PIP4K2A: variants seen among roughly 807,000 people sequenced by gnomAD.
PIP4K2A encodes phosphatidylinositol 5-phosphate 4-kinase type-2 alpha.
A neutral mutation model predicts 42.9 loss-of-function variants in PIP4K2A; 14 were observed. That is an observed-to-expected ratio of 0.33 (90% CI 0.22 to 0.51). The LOEUF is 0.51. Ranked by LOEUF, PIP4K2A falls within the 20% of genes least tolerant of loss-of-function variation. PIP4K2A has a pLI of 0.97. For synonymous variants in PIP4K2A, 192 were observed against 192.2 expected, an observed-to-expected ratio of 1.00 and a Z score of 0.01; for missense variants, 434 against 519.8, an observed-to-expected ratio of 0.83 and a Z score of 1.61.
chr10:22,696,675 T>G (rs1839979381), intron 1 of PIP4K2A, among the ~76,000 whole-genome samples: 1 of 152,232 alleles, frequency 6.6e-6, no homozygotes, highest in African/African-American at 2.4e-5. Flanking sequence ...ACATATAGTT[T>G]ATTCATACTG....
intron 1 of PIP4K2A, among the ~76,000 whole-genome samples, chr10:22,668,192 C>T (rs779519348): frequency 6.6e-6 from 1 of 152,118 alleles, no homozygotes; most frequent in African/African-American, 2.4e-5. Flanking sequence ...CCTCGTGATC[C>T]GCCTGCCTTG....
intron 1 of PIP4K2A, among the ~76,000 whole-genome samples, chr10:22,655,910 G>A (rs560369467): frequency 2.6e-5 from 4 of 152,222 alleles, no homozygotes; most frequent in East Asian, 1.9e-4. Flanking sequence ...GTGTTGCATC[G>A]TTCCACTGGA....
intron 6 of PIP4K2A, among the ~76,000 whole-genome samples, chr10:22,565,470 C>G (rs571627194): frequency 5.3e-5 from 8 of 152,198 alleles, no homozygotes; most frequent in Non-Finnish European, 1.0e-4. Flanking sequence ...ACACTTATCA[C>G]TTCCCCAATC....
Position 22,540,849 on chromosome 10 carries a change from C to G in PIP4K2A, c.1037-775G>C, listed in dbSNP as rs1227288121. Among the ~76,000 whole-genome samples, 3 of 152,204 alleles carry G rather than the reference C, an allele frequency of 2.0e-5. No individual in the cohort carries two copies. The South Asian group carries it at 6.2e-4, about 32-fold the overall frequency. The stretch of plus-strand genomic sequence containing the variant: ...GGATTACAGGCATGAACCACTGCGC[C>G]CGGCCCGTGTCTGTTTTCTATCCAT... On this transcript the variant is annotated intron_variant, in intron 8 of 9. Transcript: ENST00000376573.
At chr10:22,577,403 T>A (rs1313677011) in intron 4 of PIP4K2A, among the ~76,000 whole-genome samples, 1 of 152,152 alleles carries the variant, frequency 6.6e-6, no homozygotes, top group Non-Finnish European at 1.5e-5. Flanking sequence ...CCCTCATAAA[T>A]GGCTTGGTGC....
intron 1 of PIP4K2A, among the ~76,000 whole-genome samples, chr10:22,674,936 T>A (rs940294961): frequency 2.0e-5 from 3 of 151,910 alleles, no homozygotes; most frequent in African/African-American, 7.3e-5. Context: ...GTACTCCAGC[T>A]TGGGCAACAA....
chr10:22,617,381 A>G (rs527614234), intron 1 of PIP4K2A, among the ~76,000 whole-genome samples: 1 of 152,386 alleles, frequency 6.6e-6, no homozygotes, highest in South Asian at 2.1e-4. Flanking sequence ...ACAGTGTGAC[A>G]TTTAAAAAAT....
At chr10:22,538,910 A>G (rs1836010944) in intron 9 of PIP4K2A, among the ~76,000 whole-genome samples, 1 of 152,188 alleles carries the variant, frequency 6.6e-6, no homozygotes, top group Non-Finnish European at 1.5e-5. Context: ...TGTTAGGCTG[A>G]TTTCTATTTT....
At chr10:22,648,134 T>C (rs984651934) in intron 1 of PIP4K2A, among the ~76,000 whole-genome samples, 1 of 152,208 alleles carries the variant, frequency 6.6e-6, no homozygotes, top group African/African-American at 2.4e-5. Flanking sequence ...CCTTTCAGAG[T>C]TAACACAAAA....
intron 6 of PIP4K2A, among the ~76,000 whole-genome samples, chr10:22,554,356 A>C (rs1836482693): frequency 6.6e-6 from 1 of 152,228 alleles, no homozygotes; most frequent in Admixed American, 6.5e-5. Context: ...ACTGCCTACA[A>C]AGATGACGTC....
intron 3 of PIP4K2A, among the ~76,000 whole-genome samples, chr10:22,598,210 T>C (rs1366206172): frequency 2.0e-5 from 3 of 152,084 alleles, no homozygotes; most frequent in Non-Finnish European, 2.9e-5. Context: ...ATTAAAAAAT[T>C]AGCCGGATGT....
Position 22,550,699 on chromosome 10 carries a change from T to C in PIP4K2A, c.752A>G (p.Asn251Ser), listed in dbSNP as rs2230469. Residue 251 changes from asparagine to serine, a missense_variant, in exon 7 of 10, where the codon AAC (asparagine) becomes AGC (serine). By Grantham distance (46) the Asn-to-Ser change is conservative (BLOSUM62 1). Transcript: ENST00000376573. ...EGQKIYIDDN[N>S]KKVFLEKLKK... The stretch of plus-strand genomic sequence containing the variant: ...TAGTTTTTCCAGGAAGACCTTCTTG[T>C]TGTTGTCATCAATATAAATCTTTTG... 473,162 of 1,598,884 alleles carry C rather than the reference T, an allele frequency of 0.3. 74,535 individuals are homozygous for C. Among genetic ancestry groups the C allele is most frequent in the East Asian group, 0.4 (17,988 of 44,778 alleles).
intron 1 of PIP4K2A, among the ~76,000 whole-genome samples, chr10:22,654,017 T>A (rs1330266750): frequency 6.6e-6 from 1 of 152,026 alleles, no homozygotes; most frequent in Non-Finnish European, 1.5e-5. Context: ...TAAACAGTGG[T>A]TTTTTGGTGA....
intron 1 of PIP4K2A, among the ~76,000 whole-genome samples, chr10:22,654,849 C>T (rs1036469593): frequency 6.6e-6 from 1 of 152,146 alleles, no homozygotes; most frequent in Non-Finnish European, 1.5e-5. Flanking sequence ...AAAGGTTTTA[C>T]CTGTGAAAGT....
intron 1 of PIP4K2A, among the ~76,000 whole-genome samples, chr10:22,654,639 T>C (rs1839061186): frequency 6.6e-6 from 1 of 152,124 alleles, no homozygotes; most frequent in African/African-American, 2.4e-5. Flanking sequence ...CAAGTGTGCA[T>C]TCCCAAGAAA....
rs369363968 is a variant in PIP4K2A at position 22,537,185 on chromosome 10, G to A, written c.*16C>T. 47 of 1,588,398 alleles carry A rather than the reference G, an allele frequency of 3.0e-5. No individual in the cohort carries two copies. The East Asian group carries it at 7.9e-4, about 27-fold the overall frequency. ...GTCCATCCAATGTTCATGTCTGTCC[G>A]AGGCTGCGCAGGAGGTTACGTCAAG... On this transcript the variant is annotated 3_prime_UTR_variant, in exon 10 of 10. Coordinates refer to ENST00000376573, the MANE Select transcript of PIP4K2A (RefSeq NM_005028.5).
At chr10:22,639,267 G>A (rs1838728549) in intron 1 of PIP4K2A, among the ~76,000 whole-genome samples, 1 of 151,702 alleles carries the variant, frequency 6.6e-6, no homozygotes, top group South Asian at 2.1e-4. Flanking sequence ...TGTTTATCAT[G>A]CACGTAACAA....
intron 3 of PIP4K2A, among the ~76,000 whole-genome samples, chr10:22,605,102 A>C (rs1238454011): frequency 6.6e-6 from 1 of 152,256 alleles, no homozygotes; most frequent in Non-Finnish European, 1.5e-5. Context: ...TTTAAGAGGT[A>C]CAGACACTGG....
At chr10:22,582,780 C>A (rs1837307839) in intron 4 of PIP4K2A, among the ~76,000 whole-genome samples, 1 of 150,612 alleles carries the variant, frequency 6.6e-6, no homozygotes, top group Non-Finnish European at 1.5e-5. Flanking sequence ...GTACAATGAC[C>A]AAATAAATAA....
Sources: allele counts gnomAD v4.1 joint callset (sites outside exome capture counted in the v4.1 genomes callset), GRCh38; gene constraint gnomAD v4.1.1; transcripts MANE v1.5; gene names NCBI Gene and HGNC (gene_info 2026-07-23, HGNC 2026-07-21).